The following ZNF44 variants were observed in gnomAD, a reference collection of about 807,000 sequenced individuals.
The protein encoded by ZNF44 is zinc finger protein 44, also known as gonadotropin inducible transcription repressor-2.
Under a neutral mutation model 11.7 loss-of-function variants are expected in ZNF44, and 9 were observed. That is an observed-to-expected ratio of 0.77 (90% CI 0.46 to 1.35). The LOEUF is 1.35. ZNF44 is among the 40% of genes most tolerant of loss of function. The pLI is 0.00. For synonymous variants in ZNF44, 224 were observed against 242.7 expected (o/e 0.92, Z 0.72); for missense variants, 696 against 743.1 (o/e 0.94, Z 0.74).
chr19:12,275,065 A>G (rs749658114), intron 2 of ZNF44, 32 bp from the exon 3 acceptor site: 19 of 1,495,360 alleles, frequency 1.3e-5, no homozygotes, highest in East Asian at 2.3e-5. Context: ...TTCACTATAA[A>G]TTATTACAAA....
intron 5 of ZNF44, among the ~76,000 whole-genome samples, chr19:12,251,052 CCT>C (rs1239506672): frequency 1.3e-5 from 2 of 151,712 alleles, no homozygotes; most frequent in African/African-American, 4.8e-5. Context: ...ATGGTGAAAC[CCT>C]GTCTTGGTGG....
At chr19:12,233,623 A>AT (rs1478945939) in intron 2 of ZNF44, among the ~76,000 whole-genome samples, 1 of 152,098 alleles carries the variant, frequency 6.6e-6, no homozygotes, top group Non-Finnish European at 1.5e-5. Context: ...TAATCGAAAA[A>AT]TACTTCAAAG....
chr19:12,233,298 A>G (rs1916235732), intron 2 of ZNF44, among the ~76,000 whole-genome samples: 3 of 152,192 alleles, frequency 2.0e-5, no homozygotes, highest in Non-Finnish European at 4.4e-5. Context: ...AGTCTGTAAG[A>G]AAAAGTGCTC....
intron 5 of ZNF44, among the ~76,000 whole-genome samples, chr19:12,265,554 A>G (rs1349717782): frequency 1.3e-5 from 2 of 152,186 alleles, no homozygotes; most frequent in Non-Finnish European, 2.9e-5. Context: ...TTTCAAGGTG[A>G]TAAAGCCGGG....
chr19:12,282,754 G>A (rs1366967336), intron 1 of ZNF44, among the ~76,000 whole-genome samples: 1 of 152,030 alleles, frequency 6.6e-6, no homozygotes, highest in Non-Finnish European at 1.5e-5. Context: ...CTTACATTCT[G>A]TCTGTGAGTA....
chr19:12,229,206 T>C (rs1369014073), intron 3 of ZNF44, among the ~76,000 whole-genome samples: 1 of 152,198 alleles, frequency 6.6e-6, no homozygotes, highest in African/African-American at 2.4e-5. Flanking sequence ...ACAATATTTT[T>C]TTTCTCCTAA....
chr19:12,257,334 T>C (rs555885045), intron 5 of ZNF44, among the ~76,000 whole-genome samples: 1 of 152,254 alleles, frequency 6.6e-6, no homozygotes, highest in Non-Finnish European at 1.5e-5. Context: ...ACAGTCCACT[T>C]TGAGGCACCC....
intron 5 of ZNF44, among the ~76,000 whole-genome samples, chr19:12,255,091 A>AAC (rs140940065): frequency 0.097 from 14,155 of 145,516 alleles, 744 homozygotes; most frequent in Non-Finnish European, 0.13. Flanking sequence ...TCCGTCTCAA[A>AAC]ACACACACAC....
intron 1 of ZNF44, chr19:12,284,412 C>A: frequency 1.6e-6 from 1 of 627,656 alleles, no homozygotes; most frequent in Non-Finnish European, 2.9e-6. Flanking sequence ...CAGTGGCTTC[C>A]GCGGAGATTT....
Position 12,294,674 on chromosome 19 carries a change from C to A in ZNF44, c.3+18G>T. ...AGCCCTTCGCCCTGCCTCAGGACGC[C>A]GGGCCCCGCACACTCACCATTTCCC... is the stretch of plus-strand genomic sequence containing the variant. On this transcript the variant is annotated intron_variant, in intron 1 of 3. Coordinates refer to ENST00000355684, the MANE Select transcript of ZNF44 (RefSeq NM_016264.4). The A allele has an allele frequency of 6.4e-7, 1 of 1,559,290 alleles. No homozygotes were observed. Among genetic ancestry groups the A allele is most frequent in the Non-Finnish European group, 8.7e-7 (1 of 1,152,706 alleles).
chr19:12,251,779 C>T (rs1278042406), intron 5 of ZNF44, among the ~76,000 whole-genome samples: 2 of 152,098 alleles, frequency 1.3e-5, no homozygotes, highest in Non-Finnish European at 1.5e-5. Flanking sequence ...AGGCCAGGCG[C>T]GTTGGCTCAC....
downstream of ZNF44, chr19:12,247,340 A>G (rs1452362807): frequency 1.5e-6 from 2 of 1,291,648 alleles, no homozygotes; most frequent in Non-Finnish European, 2.0e-6. Flanking sequence ...AGGCGTTGCC[A>G]CAATCCTTAC....
chr19:12,254,653 T>G (rs1917165596), intron 5 of ZNF44, among the ~76,000 whole-genome samples: 1 of 152,094 alleles, frequency 6.6e-6, no homozygotes, highest in African/African-American at 2.4e-5. Context: ...GGGAATTGCT[T>G]GAACCAGGGA....
chr19:12,263,752 C>T (rs1044684813), intron 5 of ZNF44, among the ~76,000 whole-genome samples: 5 of 151,824 alleles, frequency 3.3e-5, no homozygotes, highest in Non-Finnish European at 5.9e-5. Context: ...GGTGAAACCC[C>T]GTCTCTACTA....
At chr19:12,268,141 CACAG>C (rs1288943222), downstream of ZNF44, among the ~76,000 whole-genome samples, 2 of 128,864 alleles carry the variant, frequency 1.6e-5, no homozygotes, top group Admixed American at 8.3e-5. Flanking sequence ...TACACACACA[CACAG>C]ACACACACAC....
intron 7 of ZNF44, among the ~76,000 whole-genome samples, chr19:12,248,845 G>A (rs1033363607): frequency 6.6e-6 from 1 of 151,950 alleles, no homozygotes; most frequent in Non-Finnish European, 1.5e-5. Flanking sequence ...CCCTGCAAGA[G>A]GGCTCAAACA....
At chr19:12,269,083 T>G (rs978685143), downstream of ZNF44, among the ~76,000 whole-genome samples, 1 of 151,806 alleles carries the variant, frequency 6.6e-6, no homozygotes, top group Non-Finnish European at 1.5e-5. Context: ...CAACCACAAG[T>G]AAATAGTTCA....
At chr19:12,281,743 A>C (rs996125289) in intron 1 of ZNF44, among the ~76,000 whole-genome samples, 9 of 152,184 alleles carry the variant, frequency 5.9e-5, no homozygotes, top group Non-Finnish European at 1.2e-4. Context: ...ATAAAAAACT[A>C]TTAGGAACAA....
At chr19:12,232,600 C>T (rs550715543) in intron 2 of ZNF44, among the ~76,000 whole-genome samples, 3 of 152,312 alleles carry the variant, frequency 2.0e-5, no homozygotes, top group South Asian at 2.1e-4. Context: ...CTTGCACCCC[C>T]CTTAATCCAT....
Sources: allele counts gnomAD v4.1 joint callset (sites outside exome capture counted in the v4.1 genomes callset), GRCh38; gene constraint gnomAD v4.1.1; transcripts MANE v1.5; gene names NCBI Gene and HGNC (gene_info 2026-07-23, HGNC 2026-07-21).